CCDC85C: variants seen among roughly 807,000 people sequenced by gnomAD.
The protein encoded by CCDC85C is coiled-coil domain containing 85C.
In CCDC85C, 18 loss-of-function variants were observed where a neutral mutation model predicts 38.3. That is an observed-to-expected ratio of 0.47 (90% confidence interval 0.33 to 0.70). The LOEUF (loss-of-function observed/expected upper bound fraction) is 0.70. Ranked by LOEUF, CCDC85C falls within the 30% of genes least tolerant of loss-of-function variation. The pLI is 0.03. For synonymous variants in CCDC85C, 264 were observed against 293.8 expected (o/e 0.90, Z 1.04); for missense variants, 566 against 621.2 (o/e 0.91, Z 0.94).
chr14:99,510,790 C>CT lies in CCDC85C; in HGVS notation c.*4455dup. ...GCAGCCTGGATGAGATAACGTGAGC[C>CT]TTTTTTCCCTCTTTGTTTTTTTAAC... On this transcript the variant is annotated 3_prime_UTR_variant, in exon 6 of 6. Transcript: ENST00000380243. 3 of 1,422,218 alleles carry CT rather than the reference C, an allele frequency of 2.1e-6. No homozygotes were observed. Among genetic ancestry groups the CT allele is most frequent in the East Asian group, 2.6e-5 (1 of 38,566 alleles). 88.1% of individuals were successfully genotyped at this position (1,422,218 alleles called of 1,614,324 possible). A position where few individuals can be genotyped will look rare whatever the true frequency, so the allele number is the denominator to read the frequency against.
In CCDC85C at chr14:99,568,212, G is replaced by C. The variant is rs1411259777; in HGVS notation, c.794-32124C>G. ...GGACAGCAGGGAAGGGGAGCCCTGG[G>C]GAAGCCACAGACACTCTCTGGAGGC... On this transcript the variant is annotated intron_variant, in intron 1 of 5. Coordinates refer to ENST00000380243, the MANE Select transcript of CCDC85C (RefSeq NM_001144995.2). 2.0e-5 allele frequency among the ~76,000 whole-genome samples: 3 copies of C among 149,188 alleles called. No individual in the cohort carries two copies. In the East Asian group the frequency reaches 6.0e-4, roughly 30 times the overall value.
chr14:99,573,487 T>C (rs931852824), intron 1 of CCDC85C, among the ~76,000 whole-genome samples: 3 of 152,164 alleles, frequency 2.0e-5, no homozygotes, highest in Admixed American at 2.0e-4. Flanking sequence ...GCCTTTGAGG[T>C]CCGGCGCTCC....
chr14:99,557,922 TAAAGA>T (rs150910420), intron 1 of CCDC85C, among the ~76,000 whole-genome samples: 79,510 of 151,312 alleles, frequency 0.53, 20,957 homozygotes, highest in South Asian at 0.57. Context: ...CTCAAAAAAA[TAAAGA>T]AAAGAAAAAA....
intron 1 of CCDC85C, among the ~76,000 whole-genome samples, chr14:99,547,879 CAT>C (rs1040855694): frequency 2.7e-4 from 41 of 151,396 alleles, no homozygotes; most frequent in African/African-American, 8.8e-4. Context: ...CATATATATA[CAT>C]ATATACACAC....
chr14:99,531,181 GC>G (rs1228381630), intron 2 of CCDC85C, among the ~76,000 whole-genome samples: 1 of 152,092 alleles, frequency 6.6e-6, no homozygotes, highest in Non-Finnish European at 1.5e-5. Flanking sequence ...TGGGCTGGGG[GC>G]CCTTCAGTCA....
chr14:99,582,488 T>C (rs59233132), intron 1 of CCDC85C, among the ~76,000 whole-genome samples: 6,510 of 151,028 alleles, frequency 0.043, 259 homozygotes, highest in East Asian at 0.15. Context: ...CAGCCGAAAA[T>C]GGATGTCTTG....
chr14:99,557,344 G>C (rs1180335019), intron 1 of CCDC85C, among the ~76,000 whole-genome samples: 1 of 152,218 alleles, frequency 6.6e-6, no homozygotes, highest in African/African-American at 2.4e-5. Flanking sequence ...TTCTCGGCTG[G>C]AGGAAGAGAC....
intron 1 of CCDC85C, among the ~76,000 whole-genome samples, chr14:99,565,746 T>A (rs902617930): frequency 2.6e-5 from 4 of 152,116 alleles, no homozygotes; most frequent in Admixed American, 2.6e-4. Flanking sequence ...GCTGTTGGGT[T>A]CATGGAAGAG....
Position 99,510,836 on chromosome 14 carries a change from C to T in CCDC85C, c.*4410G>A. On this transcript the variant is annotated 3_prime_UTR_variant, in exon 6 of 6. Coordinates refer to ENST00000380243, the MANE Select transcript of CCDC85C (RefSeq NM_001144995.2). ...TTAACAAGATTTTCTAATCGACTTG[C>T]AGAGTAGTTGAAGTGGGTAAGCAGC... 2 of 1,364,572 alleles carry T rather than the reference C, an allele frequency of 1.5e-6. No individual in the cohort carries two copies. Among genetic ancestry groups the T allele is most frequent in the Non-Finnish European group, 1.9e-6 (2 of 1,051,752 alleles). The allele number at this position is 1,364,572 out of a possible 1,614,324, so 84.5% of individuals were successfully genotyped here. A position where few individuals can be genotyped will look rare whatever the true frequency, so the allele number is the denominator to read the frequency against.
Position 99,572,593 on chromosome 14 carries a change from A to G in CCDC85C, c.793+30574T>C, listed in dbSNP as rs2139964161. The G allele has an allele frequency of 2.3e-6, 1 of 441,326 alleles. No individual in the cohort carries two copies. The highest frequency in any genetic ancestry group is 4.6e-6 in the Non-Finnish European group (1 of 218,346). The allele number at this position is 441,326 out of a possible 1,614,324, so 27.3% of individuals were successfully genotyped here. A position where few individuals can be genotyped will look rare whatever the true frequency, so the allele number is the denominator to read the frequency against. On this transcript the variant is annotated intron_variant, in intron 1 of 5. Transcript: ENST00000380243. The surrounding 1 kb of genome is among the most constrained non-coding windows in gnomAD (Gnocchi z 4.4). ...CCTGGTCAGCTCCGGGAAAGCTCTG[A>G]CATCTGTCCTTTGCTGGAAACCTTC...
Position 99,544,135 on chromosome 14 carries a change from ACTG to A in CCDC85C, c.794-8050_794-8048del, listed in dbSNP as rs1313703751. 6.6e-6 allele frequency among the ~76,000 whole-genome samples: 1 copy of A among 152,174 alleles called. No individual in the cohort carries two copies. The highest frequency in any genetic ancestry group is 1.5e-5 in the Non-Finnish European group (1 of 68,024). ...CCAAGCTGACGAGGGACATCCTGTA[ACTG>A]CTACCACTGTGTCATCGACAAGGCG... On this transcript the variant is annotated intron_variant, in intron 1 of 5. Coordinates refer to ENST00000380243, the MANE Select transcript of CCDC85C (RefSeq NM_001144995.2). This position sits in a 1 kb window ranked among gnomAD's most constrained non-coding sequence, Gnocchi z 5.3.
chr14:99,567,414 G>A (rs1046188842), intron 1 of CCDC85C, among the ~76,000 whole-genome samples: 4 of 152,156 alleles, frequency 2.6e-5, no homozygotes, highest in Admixed American at 6.5e-5. Context: ...TGGTGGTGCC[G>A]AGACCCCATC....
chr14:99,542,029 G>A (rs1194470428), intron 1 of CCDC85C, among the ~76,000 whole-genome samples: 3 of 152,212 alleles, frequency 2.0e-5, no homozygotes, highest in Admixed American at 2.0e-4. Flanking sequence ...CTCGTGGCAG[G>A]TCATTAGCAG....
chr14:99,562,210 C>T (rs1898130654), intron 1 of CCDC85C, among the ~76,000 whole-genome samples: 1 of 152,168 alleles, frequency 6.6e-6, no homozygotes, highest in South Asian at 2.1e-4. Flanking sequence ...CCTCTGCCCC[C>T]GGGCCTATGC....
chr14:99,595,716 C>T (rs564700983), intron 1 of CCDC85C, among the ~76,000 whole-genome samples: 8 of 152,342 alleles, frequency 5.3e-5, no homozygotes, highest in African/African-American at 9.6e-5. Flanking sequence ...CGGGACATAC[C>T]GGCTGGCACA....
At chr14:99,584,862 G>A (rs1402071880) in intron 1 of CCDC85C, among the ~76,000 whole-genome samples, 4 of 152,188 alleles carry the variant, frequency 2.6e-5, no homozygotes, top group African/African-American at 9.7e-5. Context: ...GCTGAGGCAG[G>A]AGAATGGCTT....
chr14:99,581,294 G>C (rs557015666), intron 1 of CCDC85C, among the ~76,000 whole-genome samples: 1 of 152,210 alleles, frequency 6.6e-6, no homozygotes, highest in Non-Finnish European at 1.5e-5. Flanking sequence ...CCAGAGCCCC[G>C]TGAACAGACC....
At chr14:99,538,463 G>A (rs1003452287) in intron 1 of CCDC85C, among the ~76,000 whole-genome samples, 9 of 152,230 alleles carry the variant, frequency 5.9e-5, no homozygotes, top group Non-Finnish European at 1.0e-4. Context: ...CTGTGCTCCC[G>A]GGGATGGCCC....
intron 1 of CCDC85C, among the ~76,000 whole-genome samples, chr14:99,581,849 C>T (rs536156439): frequency 7.2e-5 from 11 of 152,210 alleles, no homozygotes; most frequent in African/African-American, 1.2e-4. Context: ...TCAGAAAGGT[C>T]GTTCCATCTT....
Sources: gnomAD v4.1 joint callset for allele counts (sites outside exome capture counted in the v4.1 genomes callset) on GRCh38, gnomAD v4.1.1 for gene constraint, Gnocchi (gnomAD v3.1) non-coding constraint, MANE v1.5 for transcripts, NCBI Gene and HGNC (gene_info 2026-07-23, HGNC 2026-07-21) for gene names.